Variants in ADAMTS8 observed in about 807,000 individuals in gnomAD.
ADAMTS8 encodes the protein ADAM metallopeptidase with thrombospondin type 1 motif 8.
A neutral mutation model predicts 64.4 loss-of-function variants in ADAMTS8; 50 were observed. The observed-to-expected ratio is 0.78, with a 90% CI of 0.62 to 0.98. The LOEUF is 0.98. ADAMTS8 is among the 50% of genes least tolerant of loss of function. The probability of loss-of-function intolerance (pLI) is 0.00; values close to 1 mark genes in which losing one functional copy is unlikely to be tolerated. For missense variants in ADAMTS8, 1,192 were observed against 1,208.2 expected (o/e 0.99, Z 0.20); for synonymous variants, 556 against 533.6 (o/e 1.04, Z -0.58).
chr11:130,419,182 T>A lies in ADAMTS8; in HGVS notation c.831A>T (p.Lys277Asn), dbSNP rs1862067296. 6.2e-7 allele frequency: 1 copy of A among 1,614,092 alleles called. No individual in the cohort carries two copies. The highest frequency in any genetic ancestry group is 1.3e-5 in the African/African-American group (1 of 74,936). Residue 277 changes from lysine (K) to asparagine (N), a missense_variant, in exon 2 of 9, where the codon AAA (lysine) becomes AAT (asparagine). By Grantham distance (94) the Lys-to-Asn change is moderately conservative (BLOSUM62 0). Coordinates refer to ENST00000257359, the MANE Select transcript of ADAMTS8 (RefSeq NM_007037.6). ...VVKVLIVEDEKWGPEVSDNGG... is the reference protein window; with the variant it reads ...VVKVLIVEDENWGPEVSDNGG... ...CATTGTCGGACACCTCTGGGCCCCA[T>A]TTTTCATCTTCTACGATCAGCACTT...
chr11:130,411,374 G>A lies in ADAMTS8; in HGVS notation c.1750+43C>T. 1 of 1,595,160 alleles carries A rather than the reference G, an allele frequency of 6.3e-7. No homozygotes were observed. Among genetic ancestry groups the A allele is most frequent in the Non-Finnish European group, 8.6e-7 (1 of 1,169,108 alleles). ...TCCTCTGGGGATGCGTCATAGCAAT[G>A]ATAGTAGCTGCTCTGGCAGGGGCGG... On this transcript the variant is annotated intron_variant, in intron 6 of 8. Coordinates refer to ENST00000257359, the MANE Select transcript of ADAMTS8 (RefSeq NM_007037.6). The surrounding 1 kb of genome is among the most constrained non-coding windows in gnomAD (Gnocchi z 4.2).
chr11:130,414,129 T>A (rs1002774962), intron 5 of ADAMTS8, among the ~76,000 whole-genome samples: 1 of 150,882 alleles, frequency 6.6e-6, no homozygotes, highest in African/African-American at 2.4e-5. Context: ...TTTCTTTTTT[T>A]TTTTTTTTTT....
At chr11:130,414,216 T>G (rs1315133462) in intron 5 of ADAMTS8, among the ~76,000 whole-genome samples, 1 of 150,958 alleles carries the variant, frequency 6.6e-6, no homozygotes, top group Non-Finnish European at 1.5e-5. Flanking sequence ...CTCAAACTCC[T>G]GAGATCAAGT....
At chr11:130,415,548 C>T (rs1309101882) in intron 4 of ADAMTS8, among the ~76,000 whole-genome samples, 1 of 151,040 alleles carries the variant, frequency 6.6e-6, no homozygotes, top group Non-Finnish European at 1.5e-5. Context: ...TGTGATCCAC[C>T]TGCCTCAGCC....
Position 130,421,607 on chromosome 11 carries a change from G to C in ADAMTS8, c.721-2315C>G, listed in dbSNP as rs555179575. On this transcript the variant is annotated intron_variant, in intron 1 of 8. Transcript: ENST00000257359. ...TCCCACTGATCTCTCCTTATCTCTT[G>C]TTCTACTGAGTTTTTGGTTTTCCCC... Among the ~76,000 whole-genome samples the C allele has an allele frequency of 1.2e-4, 18 of 152,272 alleles. No homozygotes were observed. In the East Asian group the frequency reaches 2.9e-3, roughly 25 times the overall value.
chr11:130,408,795 C>T lies in ADAMTS8; in HGVS notation c.1896G>A (p.Arg632=), dbSNP rs751784013. The change falls in exon 7 of 9, where the codon AGG becomes AGA. Residue 632 remains arginine (R), a synonymous_variant. Transcript: ENST00000257359. The part of the protein sequence containing the change: ...RCKLFCRARG[R]SEFKVFEAKV... Reference sequence around the variant, plus strand: ...TGGCCTCGAACACTTTGAACTCGCTCCTCCCCCGGGCTCGGCAGAACAACT... The same window carrying T: ...TGGCCTCGAACACTTTGAACTCGCTTCTCCCCCGGGCTCGGCAGAACAACT... 8.6e-5 allele frequency: 138 copies of T among 1,614,034 alleles called. No individual in the cohort carries two copies. Among genetic ancestry groups the T allele is most frequent in the Non-Finnish European group, 1.1e-4 (127 of 1,180,024 alleles).
intron 1 of ADAMTS8, among the ~76,000 whole-genome samples, chr11:130,426,849 G>T (rs1862173175): frequency 6.6e-6 from 1 of 152,214 alleles, no homozygotes; most frequent in African/African-American, 2.4e-5. Context: ...TGCGCCCCTC[G>T]CGTTTCCACC....
At chr11:130,425,926 C>T (rs11608214) in intron 1 of ADAMTS8, among the ~76,000 whole-genome samples, 17,420 of 152,074 alleles carry the variant, frequency 0.11, 1,298 homozygotes, top group Non-Finnish European at 0.17. Flanking sequence ...TGGTGGAGCC[C>T]CCTAGGAGCC....
In ADAMTS8 at chr11:130,416,819, A is replaced by G; in HGVS notation, c.1096+121T>C. On this transcript the variant is annotated intron_variant, in intron 3 of 8. Coordinates refer to ENST00000257359, the MANE Select transcript of ADAMTS8 (RefSeq NM_007037.6). This position sits in a 1 kb window ranked among gnomAD's most constrained non-coding sequence, Gnocchi z 4.8. ...CTGTTTGTATACAGTCACCCTGTCAAAATTAGGAGGAGCTATTCCTAAGCA... is the reference window on the plus strand; with the variant it reads ...CTGTTTGTATACAGTCACCCTGTCAGAATTAGGAGGAGCTATTCCTAAGCA... The G allele has an allele frequency of 6.7e-7, 1 of 1,483,458 alleles. No homozygotes were observed. The highest frequency in any genetic ancestry group is 9.2e-7 in the Non-Finnish European group (1 of 1,083,998). The allele number at this position is 1,483,458 out of a possible 1,614,324, so 91.9% of individuals were successfully genotyped here.
intron 8 of ADAMTS8, among the ~76,000 whole-genome samples, chr11:130,408,069 C>T (rs1281974319): frequency 6.6e-6 from 1 of 152,108 alleles, no homozygotes; most frequent in African/African-American, 2.4e-5. Flanking sequence ...GCTTGCCAGG[C>T]TTAGGGTGAG....
At chr11:130,414,925 A>G (rs1862002584) in intron 4 of ADAMTS8, 93 bp from the exon 5 acceptor site, 1 of 1,322,196 alleles carries the variant, frequency 7.6e-7, no homozygotes, top group Non-Finnish European at 1.0e-6. Flanking sequence ...CTGAAGGTCT[A>G]GGTGTCACGA....
rs181239690 is a variant in ADAMTS8 at position 130,414,715 on chromosome 11, C to T, written c.1382G>A (p.Arg461His). Reference protein sequence around the residue: ...QCRQIFGPDFRHCPNTSAQDV... With the variant: ...QCRQIFGPDFHHCPNTSAQDV... Reference sequence around the variant, plus strand: ...CTGAGCAGAGGTGTTGGGGCAGTGGCGGAAATCCGGCCCAAAGATCTGCCT... The same window carrying T: ...CTGAGCAGAGGTGTTGGGGCAGTGGTGGAAATCCGGCCCAAAGATCTGCCT... The change falls in exon 5 of 9, where the codon CGC becomes CAC. Residue 461 changes from arginine (R) to histidine (H), a missense_variant. Arg to His is a conservative substitution (Grantham distance 29). Coordinates refer to ENST00000257359, the MANE Select transcript of ADAMTS8 (RefSeq NM_007037.6). 281 of 1,613,772 alleles carry T rather than the reference C, an allele frequency of 1.7e-4. No individual in the cohort carries two copies. The African/African-American group carries it at 3.0e-3, about 17-fold the overall frequency.
rs758545232 is a variant in ADAMTS8 at position 130,416,222 on chromosome 11, G to C, written c.1205C>G (p.Thr402Arg). Residue 402 changes from threonine to arginine, a missense_variant, in exon 4 of 9, where the codon ACG (threonine) becomes AGG (arginine). Physicochemically the swap from Thr to Arg is moderately conservative, Grantham distance 71. Around this residue, in one of 5 missense-constraint regions of ADAMTS8, gnomAD observed 741 missense variants for 710.6 expected, o/e 1.04. Coordinates refer to ENST00000257359, the MANE Select transcript of ADAMTS8 (RefSeq NM_007037.6). This position sits in a 1 kb window ranked among gnomAD's most constrained non-coding sequence, Gnocchi z 4.8. ...GGCGCTGCAGGGGGACCAGGGCAGCGTCTGGTTCAGGTGGACGAACAGCGG... is the reference window on the plus strand; with the variant it reads ...GGCGCTGCAGGGGGACCAGGGCAGCCTCTGGTTCAGGTGGACGAACAGCGG... ...MAPLFVHLNQ[T>R]LPWSPCSAMY... 6.3e-7 allele frequency: 1 copy of C among 1,595,394 alleles called. No homozygotes were observed.
chr11:130,424,106 C>T (rs1444840873), intron 1 of ADAMTS8, among the ~76,000 whole-genome samples: 1 of 152,186 alleles, frequency 6.6e-6, no homozygotes, highest in Non-Finnish European at 1.5e-5. Flanking sequence ...TGGCTTTGAA[C>T]TGCTGGATTT....
rs941435826 is a variant in ADAMTS8, at chr11:130,428,357, C to T, written c.-71G>A. 5 of 1,235,012 alleles carry T rather than the reference C, an allele frequency of 4.0e-6. No homozygotes were observed. In the Admixed American group the frequency reaches 1.4e-4, roughly 35 times the overall value. The allele number at this position is 1,235,012 out of a possible 1,614,324, so 76.5% of individuals were successfully genotyped here. On this transcript the variant is annotated 5_prime_UTR_variant, in exon 1 of 9. Coordinates refer to ENST00000257359, the MANE Select transcript of ADAMTS8 (RefSeq NM_007037.6). The stretch of plus-strand genomic sequence containing the variant: ...CAGGCGCGGGCAGGTGCTGGCGGCC[C>T]GAGCGCGGCCCGGCCGCTCTCTCCA...
Position 130,422,566 on chromosome 11 carries a change from G to A in ADAMTS8, c.721-3274C>T, listed in dbSNP as rs117564223. 2.3e-3 allele frequency among the ~76,000 whole-genome samples: 345 copies of A among 152,302 alleles called. 1 individual carries two copies. The highest frequency in any genetic ancestry group is 3.4e-3 in the Non-Finnish European group (231 of 68,030). ...CTTGCATTCCCTCTTCCTATCTGAC[G>A]TCTCTAGGGCCTGAGACTGAGCTGG... On this transcript the variant is annotated intron_variant, in intron 1 of 8. Coordinates refer to ENST00000257359, the MANE Select transcript of ADAMTS8 (RefSeq NM_007037.6).
rs1862029620 is a variant in ADAMTS8, at chr11:130,416,685, T to C, written c.1096+255A>G. Among the ~76,000 whole-genome samples the C allele has an allele frequency of 6.6e-6, 1 of 152,188 alleles. No homozygotes were observed. Among genetic ancestry groups the C allele is most frequent in the South Asian group, 2.1e-4 (1 of 4,832 alleles). On this transcript the variant is annotated intron_variant, in intron 3 of 8. Transcript: ENST00000257359. The surrounding 1 kb of genome is among the most constrained non-coding windows in gnomAD (Gnocchi z 4.8). ...AGCACGTGTCTGGTGTCCTGTGTCC[T>C]GGCATTTGCCCGGTGACCTGTGATA...
intron 1 of ADAMTS8, among the ~76,000 whole-genome samples, chr11:130,423,755 G>A (rs1480222728): frequency 2.0e-5 from 3 of 152,204 alleles, no homozygotes; most frequent in South Asian, 2.1e-4. Context: ...CCAGGCTGGC[G>A]AGAGTGGGCA....
chr11:130,406,215 C>G, intron 8 of ADAMTS8, 87 bp from the exon 9 acceptor site: 1 of 1,471,422 alleles, frequency 6.8e-7, no homozygotes, highest in Non-Finnish European at 9.0e-7. Flanking sequence ...GTGGGCACCC[C>G]AGGTGGCAGA....
Sources: gnomAD v4.1 joint callset for allele counts (sites outside exome capture counted in the v4.1 genomes callset) on GRCh38, gnomAD v4.1.1 for gene constraint, gnomAD v4.1.1 regional missense constraint, Gnocchi (gnomAD v3.1) non-coding constraint, MANE v1.5 for transcripts, NCBI Gene and HGNC (gene_info 2026-07-23, HGNC 2026-07-21) for gene names.